The following ZNF578 variants were observed in gnomAD, a reference collection of about 807,000 sequenced individuals.
ZNF578 encodes the protein zinc finger protein 578.
In ZNF578, 8 loss-of-function variants were observed where a neutral mutation model predicts 8.3. The ratio of observed to expected loss-of-function variants is 0.96; its 90% CI spans 0.56 to 1.74. The LOEUF is 1.74. Ranked by LOEUF, ZNF578 falls within the 40% of genes most tolerant of loss-of-function variation. ZNF578 has a pLI of 0.00. For missense variants in ZNF578, 726 were observed against 707.5 expected, an observed-to-expected ratio of 1.03 and a Z score of -0.30; for synonymous variants, 206 against 232.2, an observed-to-expected ratio of 0.89 and a Z score of 1.03.
chr19:52,459,644 C>T (rs1196489679), intron 2 of ZNF578, among the ~76,000 whole-genome samples: 9 of 131,892 alleles, frequency 6.8e-5, no homozygotes, highest in African/African-American at 2.2e-4. Context: ...CACACACACA[C>T]ACACACATAT....
chr19:52,500,408 CTT>C (rs71180471), intron 3 of ZNF578, among the ~76,000 whole-genome samples: 27,701 of 138,778 alleles, frequency 0.2, 2,825 homozygotes, highest in Non-Finnish European at 0.24. Context: ...TTTGAGTTTC[CTT>C]TTTTTTTTTT....
At chr19:52,482,318 G>A (rs546036913) in intron 2 of ZNF578, among the ~76,000 whole-genome samples, 82 of 151,098 alleles carry the variant, frequency 5.4e-4, no homozygotes, top group African/African-American at 1.9e-3. Context: ...ACAGGCGTAA[G>A]CCACCACGCC....
intron 2 of ZNF578, among the ~76,000 whole-genome samples, chr19:52,470,611 C>T (rs893230806): frequency 1.3e-5 from 2 of 152,010 alleles, no homozygotes; most frequent in African/African-American, 4.8e-5. Context: ...TGGGTGGGCA[C>T]CATCCAGTTG....
At chr19:52,481,045 G>A (rs1309877168) in intron 2 of ZNF578, among the ~76,000 whole-genome samples, 1 of 152,062 alleles carries the variant, frequency 6.6e-6, no homozygotes, top group Admixed American at 6.6e-5. Flanking sequence ...TAAAGGCACC[G>A]TGGTGCCTGA....
At position 52,508,771 on chromosome 19, in the gene ZNF578, G is replaced by T. The variant is rs2059434087; in HGVS notation, c.191-1801G>T. Among the ~76,000 whole-genome samples the T allele has an allele frequency of 4.0e-5, 6 of 150,372 alleles. No homozygotes were observed. The South Asian group carries it at 1.3e-3, about 32-fold the overall frequency. On this transcript the variant is annotated intron_variant, in intron 5 of 5. Transcript: ENST00000421239. ...TATTGCATCATTGCACTGCAGCCTG[G>T]GCAACAAGAGTGGAACTCTGTCTCA...
chr19:52,495,114 T>C (rs2059381171), intron 3 of ZNF578, among the ~76,000 whole-genome samples: 2 of 150,690 alleles, frequency 1.3e-5, no homozygotes, highest in South Asian at 2.1e-4. Context: ...TGCAAAGTAC[T>C]GGGATTACAG....
At chr19:52,501,242 G>C (rs1317368906) in intron 3 of ZNF578, among the ~76,000 whole-genome samples, 1 of 152,214 alleles carries the variant, frequency 6.6e-6, no homozygotes, top group African/African-American at 2.4e-5. Context: ...TTGGCCCCAA[G>C]CGGAGGGCAG....
intron 2 of ZNF578, among the ~76,000 whole-genome samples, chr19:52,478,828 T>C (rs1673915): frequency 0.18 from 27,522 of 151,848 alleles, 5,173 homozygotes; most frequent in African/African-American, 0.47. Flanking sequence ...ATTCTCCTGC[T>C]TCAGCCTCCC....
Position 52,511,806 on chromosome 19 carries a change from A to G in ZNF578, c.1425A>G (p.Ile475Met), listed in dbSNP as rs777080733. 6.2e-7 allele frequency: 1 copy of G among 1,613,844 alleles called. No homozygotes were observed. The highest frequency in any genetic ancestry group is 1.7e-5 in the Admixed American group (1 of 59,996). ...AATCAAACCTTGAGAGACACAAGAT[A>G]ATTCATACTGGAGAGAAACCTTACA... ...SQKSNLERHK[I>M]IHTGEKPYKC... Residue 475 changes from isoleucine (I) to methionine (M), a missense_variant, in exon 6 of 6, where the codon ATA (isoleucine) becomes ATG (methionine). Physicochemically the swap from Ile to Met is conservative, Grantham distance 10. Transcript: ENST00000421239.
At chr19:52,504,035 A>G (rs672635) in intron 4 of ZNF578, among the ~76,000 whole-genome samples, 2,868 of 151,604 alleles carry the variant, frequency 0.019, 83 homozygotes, top group African/African-American at 0.066. Context: ...TGACCACATT[A>G]TCTGCCCACA....
At chr19:52,501,170 T>C (rs7247669) in intron 3 of ZNF578, among the ~76,000 whole-genome samples, 28,993 of 152,060 alleles carry the variant, frequency 0.19, 2,973 homozygotes, top group Non-Finnish European at 0.23. Flanking sequence ...AGCCCCTGCG[T>C]CTGGCCTCTT....
rs1394471018 is a variant in ZNF578, at chr19:52,513,988, G to A, written c.*1834G>A. On this transcript the variant is annotated 3_prime_UTR_variant, in exon 6 of 6. Coordinates refer to ENST00000421239, the MANE Select transcript of ZNF578 (RefSeq NM_001099694.2). Reference sequence around the variant, plus strand: ...TACAGCGAATCAAAACCGTGCCACTGTACTGCAGCGAGGTTGGCAGAGTGA... The same window carrying A: ...TACAGCGAATCAAAACCGTGCCACTATACTGCAGCGAGGTTGGCAGAGTGA... 6.6e-6 allele frequency among the ~76,000 whole-genome samples: 1 copy of A among 151,916 alleles called. No individual in the cohort carries two copies. The highest frequency in any genetic ancestry group is 1.5e-5 in the Non-Finnish European group (1 of 68,008).
intron 2 of ZNF578, among the ~76,000 whole-genome samples, chr19:52,486,605 A>G (rs2059346684): frequency 6.6e-6 from 1 of 152,100 alleles, no homozygotes; most frequent in Non-Finnish European, 1.5e-5. Context: ...GAGAGAGGGA[A>G]GGATTTGGAG....
Position 52,504,772 on chromosome 19 carries a change from G to A in ZNF578, c.181G>A (p.Glu61Lys), listed in dbSNP as rs781350775. ...EVMLENYRNL[E>K]AVDISSKRMM... ...GATGTTGGAGAACTACAGGAACCTG[G>A]AGGCTGTGGGTGAGGAAAATGTCCC... Residue 61 changes from glutamate to lysine, a missense_variant, in exon 5 of 6, where the codon GAG (glutamate) becomes AAG (lysine). Glu to Lys is a moderately conservative substitution (Grantham distance 56). Coordinates refer to ENST00000421239, the MANE Select transcript of ZNF578 (RefSeq NM_001099694.2). 1 of 1,614,140 alleles carries A rather than the reference G, an allele frequency of 6.2e-7. No homozygotes were observed. The highest frequency in any genetic ancestry group is 1.1e-5 in the South Asian group (1 of 91,084).
chr19:52,497,219 C>G (rs1474360772), intron 3 of ZNF578, among the ~76,000 whole-genome samples: 1 of 152,216 alleles, frequency 6.6e-6, no homozygotes, highest in Non-Finnish European at 1.5e-5. Context: ...CCTGCCTCAG[C>G]CTCCTGAGTA....
chr19:52,483,429 A>G (rs1026587932), intron 2 of ZNF578, among the ~76,000 whole-genome samples: 2 of 152,308 alleles, frequency 1.3e-5, no homozygotes, highest in Admixed American at 6.5e-5. Context: ...AAATACGTAA[A>G]TAAATAATAA....
chr19:52,493,447 CG>C (rs1568462627), intron 3 of ZNF578, among the ~76,000 whole-genome samples: 1 of 152,188 alleles, frequency 6.6e-6, no homozygotes, highest in Admixed American at 6.5e-5. Context: ...TTCCACCCCC[CG>C]GAAAATGCGC....
chr19:52,496,565 G>A (rs535716134), intron 3 of ZNF578, among the ~76,000 whole-genome samples: 2 of 150,082 alleles, frequency 1.3e-5, no homozygotes, highest in East Asian at 4.0e-4. Flanking sequence ...TCCTGACCTC[G>A]TGATCCGCCC....
intron 2 of ZNF578, among the ~76,000 whole-genome samples, chr19:52,470,769 T>A (rs2122796240): frequency 6.6e-6 from 1 of 152,318 alleles, no homozygotes; most frequent in East Asian, 1.9e-4. Context: ...GCCTTCGGAC[T>A]CTGAGGCTTG....
Sources: gnomAD v4.1 joint callset for allele counts (sites outside exome capture counted in the v4.1 genomes callset) on GRCh38, gnomAD v4.1.1 for gene constraint, MANE v1.5 for transcripts, NCBI Gene and HGNC (gene_info 2026-07-23, HGNC 2026-07-21) for gene names.